The following NPL variants were observed in gnomAD, a reference collection of about 807,000 sequenced individuals.
NPL encodes N-acetylneuraminate lyase.
In NPL, 32 loss-of-function variants were observed where a neutral mutation model predicts 41.1. The observed-to-expected ratio is 0.78, with a 90% CI of 0.59 to 1.05. The LOEUF (loss-of-function observed/expected upper bound fraction) is 1.05, where lower values mean the gene tolerates loss of function less well. Ranked by LOEUF, NPL falls within the 50% of genes least tolerant of loss-of-function variation. NPL has a pLI of 0.00. For synonymous variants in NPL, 128 were observed against 134.9 expected (o/e 0.95, Z 0.35); for missense variants, 321 against 378.4 (o/e 0.85, Z 1.26).
chr1:182,803,672 T>C (rs745929166), intron 3 of NPL, 26 bp from the exon 4 acceptor site: 7 of 1,466,776 alleles, frequency 4.8e-6, no homozygotes, highest in East Asian at 4.5e-5. Flanking sequence ...AGACTAAATA[T>C]GCCTTTTTTT....
Position 182,822,125 on chromosome 1 carries a change from T to C in NPL, c.664T>C (p.Tyr222His), listed in dbSNP as rs753930468. The change falls in exon 11 of 13, where the codon TAC (tyrosine) becomes CAC (histidine). Residue 222 changes from tyrosine (Y) to histidine (H), a missense_variant. Tyr to His is a moderately conservative substitution (Grantham distance 83, BLOSUM62 2). Coordinates refer to ENST00000367553, the MANE Select transcript of NPL (RefSeq NM_030769.3). ...TTATTGTCTTGCCAGTACCTATAAC[T>C]ACCTGGGAAAAAAGACAAACCAGAT... is the stretch of plus-strand genomic sequence containing the variant. ...ATGAVGSTYN[Y>H]LGKKTNQMLE... 5.6e-6 allele frequency: 9 copies of C among 1,611,294 alleles called. No individual in the cohort carries two copies. The South Asian group carries it at 8.8e-5, about 16-fold the overall frequency.
chr1:182,818,214 C>T (rs1028480739), intron 8 of NPL, among the ~76,000 whole-genome samples: 1 of 152,168 alleles, frequency 6.6e-6, no homozygotes, highest in African/African-American at 2.4e-5. Context: ...GAATCAGGGT[C>T]AAAGACCAAG....
At chr1:182,823,023 C>G (rs935885938) in intron 11 of NPL, among the ~76,000 whole-genome samples, 1 of 152,222 alleles carries the variant, frequency 6.6e-6, no homozygotes. Context: ...CATGCGCCAC[C>G]ATGCCCAGCT....
chr1:182,823,066 T>C (rs1667533664), intron 11 of NPL, among the ~76,000 whole-genome samples: 1 of 152,104 alleles, frequency 6.6e-6, no homozygotes, highest in Admixed American at 6.5e-5. Flanking sequence ...TTCTAAAGTG[T>C]AAATGGAATG....
chr1:182,821,318 T>C (rs1243412781), intron 10 of NPL, among the ~76,000 whole-genome samples: 1 of 152,212 alleles, frequency 6.6e-6, no homozygotes, highest in Non-Finnish European at 1.5e-5. Context: ...CCTTCTACCT[T>C]GCTGGTTTCT....
At chr1:182,812,293 T>G in intron 6 of NPL, 80 bp downstream of exon 6, 11 of 1,196,318 alleles carry the variant, frequency 9.2e-6, no homozygotes, top group Non-Finnish European at 1.4e-5. Context: ...GTACTATATT[T>G]GCTATGTAGT....
At chr1:182,824,289 T>G (rs576722780) in intron 11 of NPL, among the ~76,000 whole-genome samples, 9 of 152,316 alleles carry the variant, frequency 5.9e-5, no homozygotes, top group Admixed American at 3.3e-4. Context: ...ACATGCTATG[T>G]TAAATGGAAA....
chr1:182,828,959 ATAGTGCATTTTTTTCTCAGGGAATTT>A lies in NPL; in HGVS notation c.*55_*80del. 1.9e-6 allele frequency: 3 copies of A among 1,610,084 alleles called. No homozygotes were observed. Among genetic ancestry groups the A allele is most frequent in the Non-Finnish European group, 2.5e-6 (3 of 1,179,618 alleles). Reference sequence around the variant, plus strand: ...CACCTTGAGACATAATCTACCTTAAATAGTGCATTTTTTTCTCAGGGAATTTTAGATGAACTTGAATAAACTCTCCT... The same window carrying A: ...CACCTTGAGACATAATCTACCTTAAATAGATGAACTTGAATAAACTCTCCT... On this transcript the variant is annotated 3_prime_UTR_variant, in exon 13 of 13. Transcript: ENST00000367553. This position sits in a 1 kb window ranked among gnomAD's most constrained non-coding sequence, Gnocchi z 4.0.
Position 182,818,852 on chromosome 1 carries a change from G to T in NPL, c.646G>T (p.Val216Leu). 1 of 1,614,076 alleles carries T rather than the reference G, an allele frequency of 6.2e-7. No individual in the cohort carries two copies. The highest frequency in any genetic ancestry group is 8.5e-7 in the Non-Finnish European group (1 of 1,179,928). Residue 216 changes from valine to leucine, a missense_variant, in exon 10 of 13, where the codon GTG becomes TTG. By Grantham distance (32) the Val-to-Leu change is conservative. Transcript: ENST00000367553. The part of the protein sequence containing the change: ...SALVMGATGA[V>L]GSTYNYLGKK... Reference sequence around the variant, plus strand: ...TCTGGTGATGGGAGCAACTGGAGCAGTGGGCAGGTAAGCATGACTCATTTT... The same window carrying T: ...TCTGGTGATGGGAGCAACTGGAGCATTGGGCAGGTAAGCATGACTCATTTT...
At chr1:182,808,443 T>C (rs920474196) in intron 5 of NPL, among the ~76,000 whole-genome samples, 5 of 152,140 alleles carry the variant, frequency 3.3e-5, no homozygotes, top group Non-Finnish European at 4.4e-5. Context: ...AGTTGAGTTA[T>C]AGAATGCAGC....
intron 5 of NPL, among the ~76,000 whole-genome samples, chr1:182,806,998 C>T (rs1277691178): frequency 6.6e-6 from 1 of 152,122 alleles, no homozygotes; most frequent in South Asian, 2.1e-4. Flanking sequence ...GTCACCACAC[C>T]TGGCTAATTT....
At chr1:182,819,705 A>G (rs1044195115) in intron 10 of NPL, among the ~76,000 whole-genome samples, 2 of 152,232 alleles carry the variant, frequency 1.3e-5, no homozygotes, top group Non-Finnish European at 2.9e-5. Flanking sequence ...TGAATTGAGC[A>G]CATGCACAGG....
Position 182,815,033 on chromosome 1 carries a change from T to C in NPL, c.364+175T>C, listed in dbSNP as rs191562111. ...CTCTCCCTGGATCCATAAAAGAGACTGCATTAAAGTACTTCAGTTCTTTTG... is the reference window on the plus strand; with the variant it reads ...CTCTCCCTGGATCCATAAAAGAGACCGCATTAAAGTACTTCAGTTCTTTTG... On this transcript the variant is annotated intron_variant, in intron 7 of 12. Coordinates refer to ENST00000367553, the MANE Select transcript of NPL (RefSeq NM_030769.3). 5.9e-5 allele frequency among the ~76,000 whole-genome samples: 9 copies of C among 152,356 alleles called. No individual in the cohort carries two copies. In the East Asian group the frequency reaches 1.7e-3, roughly 29 times the overall value.
At chr1:182,809,798 G>A (rs1667125977) in intron 5 of NPL, 1 of 152,174 alleles carries the variant, frequency 6.6e-6, no homozygotes, top group South Asian at 2.1e-4. Flanking sequence ...GCCTCCTCCT[G>A]GATTGGGAGA....
intron 11 of NPL, among the ~76,000 whole-genome samples, chr1:182,823,120 G>T (rs906301621): frequency 6.6e-6 from 1 of 152,200 alleles, no homozygotes; most frequent in African/African-American, 2.4e-5. Flanking sequence ...GACTTTTGGG[G>T]TCTGAGAGGC....
At chr1:182,815,436 C>T (rs933670397) in intron 7 of NPL, among the ~76,000 whole-genome samples, 14 of 152,088 alleles carry the variant, frequency 9.2e-5, no homozygotes, top group Admixed American at 4.6e-4. Context: ...TAAAAACAGA[C>T]ATTATTTGCC....
chr1:182,828,914 C>G lies in NPL; in HGVS notation c.*6C>G. The G allele has an allele frequency of 6.2e-7, 1 of 1,614,108 alleles. No homozygotes were observed. Among genetic ancestry groups the G allele is most frequent in the Non-Finnish European group, 8.5e-7 (1 of 1,180,010 alleles). On this transcript the variant is annotated 3_prime_UTR_variant, in exon 13 of 13. Coordinates refer to ENST00000367553, the MANE Select transcript of NPL (RefSeq NM_030769.3). The surrounding 1 kb of genome is among the most constrained non-coding windows in gnomAD (Gnocchi z 4.0). ...ACTTGGAAGCTGGTAGCTAGTGCCT[C>G]TCTATCAAATCAGGGTTTGCACCTT...
chr1:182,808,959 TA>T (rs61310123), intron 5 of NPL, among the ~76,000 whole-genome samples: 331 of 118,316 alleles, frequency 2.8e-3, no homozygotes, highest in East Asian at 5.9e-3. Context: ...AACCCTGTCT[TA>T]AAAAAAAAAA....
chr1:182,823,882 A>T (rs915010234), intron 11 of NPL, among the ~76,000 whole-genome samples: 1 of 152,184 alleles, frequency 6.6e-6, no homozygotes, highest in South Asian at 2.1e-4. Flanking sequence ...AAATCATCCC[A>T]TTGAAAACAA....
Sources: gnomAD v4.1 joint callset for allele counts (sites outside exome capture counted in the v4.1 genomes callset) on GRCh38, gnomAD v4.1.1 for gene constraint, Gnocchi (gnomAD v3.1) non-coding constraint, MANE v1.5 for transcripts, NCBI Gene and HGNC (gene_info 2026-07-23, HGNC 2026-07-21) for gene names.